Variants in ABHD12B observed in about 807,000 individuals in gnomAD.
ABHD12B encodes protein ABHD12B.
ABHD12B carries 42 observed loss-of-function variants against 50.4 expected under a neutral mutation model. The ratio of observed to expected loss-of-function variants is 0.83; its 90% CI spans 0.65 to 1.08. The LOEUF (loss-of-function observed/expected upper bound fraction) is 1.08, where lower values mean the gene tolerates loss of function less well. ABHD12B is among the 50% of genes least tolerant of loss of function. The probability of loss-of-function intolerance (pLI) is 0.00; values close to 1 mark genes in which losing one functional copy is unlikely to be tolerated. For synonymous variants in ABHD12B, 167 were observed against 160.3 expected, an observed-to-expected ratio of 1.04 and a Z score of -0.32; for missense variants, 479 against 447.7, an observed-to-expected ratio of 1.07 and a Z score of -0.63.
At position 50,904,814 on chromosome 14, in the gene ABHD12B, GCTCTT is replaced by G. The variant is rs1470355213; in HGVS notation, c.*450_*454del. On this transcript the variant is annotated 3_prime_UTR_variant, in exon 13 of 13. Coordinates refer to ENST00000337334, the MANE Select transcript of ABHD12B (RefSeq NM_001206673.2). Reference sequence around the variant, plus strand: ...GCCCTTATAAATTATGACCAAAAGAGCTCTTCACTCCTCCTACCATTTGAGGATAC... The same window carrying G: ...GCCCTTATAAATTATGACCAAAAGAGCACTCCTCCTACCATTTGAGGATAC... The G allele has an allele frequency of 2.2e-4, 52 of 232,794 alleles. No homozygotes were observed. Among genetic ancestry groups the G allele is most frequent in the South Asian group, 1.5e-3 (23 of 15,482 alleles). The allele number at this position is 232,794 out of a possible 1,614,324, so 14.4% of individuals were successfully genotyped here.
rs2050263044 is a variant in ABHD12B, at chr14:50,901,833, A to C, written c.785A>C (p.Tyr262Ser). ...TTTTTTCTTTTTTAAAAATAGATTT[A>C]CCGGAACATTCCAGGATTTTTACGT... ...ASINYPLLKI[Y>S]RNIPGFLRTL... The change falls in exon 10 of 13, where the codon TAC becomes TCC. Residue 262 changes from tyrosine to serine, a missense_variant. By Grantham distance (144) the Tyr-to-Ser change is moderately radical (BLOSUM62 -2). Transcript: ENST00000337334. 1 of 1,589,700 alleles carries C rather than the reference A, an allele frequency of 6.3e-7. No homozygotes were observed. The highest frequency in any genetic ancestry group is 1.4e-5 in the African/African-American group (1 of 73,552).
At chr14:50,881,778 G>A (rs983284272) in intron 5 of ABHD12B, 152 bp downstream of exon 5, 5 of 849,174 alleles carry the variant, frequency 5.9e-6, no homozygotes, top group East Asian at 2.4e-5. Flanking sequence ...AAGTCCCACC[G>A]GTGGACTTCT....
chr14:50,904,687 T>C lies in ABHD12B; in HGVS notation c.*321T>C, dbSNP rs113016857. 2,562 of 415,726 alleles carry C rather than the reference T, an allele frequency of 6.2e-3. 60 individuals are homozygous for C. The highest frequency in any genetic ancestry group is 0.047 in the African/African-American group (2,335 of 50,108). The allele number at this position is 415,726 out of a possible 1,614,324, so 25.8% of individuals were successfully genotyped here. ...ATATTTGTGAATAAGGTAGTTGCTA[T>C]GGTCCGAATATCTGGGCCTGCCCCC... On this transcript the variant is annotated 3_prime_UTR_variant, in exon 13 of 13. Transcript: ENST00000337334.
At chr14:50,893,589 C>A in intron 9 of ABHD12B, 1 of 153,300 alleles carries the variant, frequency 6.5e-6, no homozygotes, top group Non-Finnish European at 1.5e-5. Flanking sequence ...GTTTGGTGGT[C>A]TCTTCACACG....
intron 3 of ABHD12B, among the ~76,000 whole-genome samples, chr14:50,879,392 A>G (rs529814558): frequency 6.6e-6 from 1 of 152,240 alleles, no homozygotes; most frequent in Non-Finnish European, 1.5e-5. Context: ...TTACAAGACT[A>G]TAGCTTCAGC....
In ABHD12B at chr14:50,904,314, G is replaced by A. The variant is rs79893513; in HGVS notation, c.1062-25G>A. ...TTATTTAGGTAGGGAAAGGGTGTGA[G>A]CTGATCTGGGTCCTTTTTCTACAGA... On this transcript the variant is annotated intron_variant, in intron 12 of 12. Transcript: ENST00000337334. 5.6e-4 allele frequency: 897 copies of A among 1,613,798 alleles called. 4 individuals carry two copies. The African/African-American group carries it at 0.01, about 18-fold the overall frequency.
rs2050028389 is a variant in ABHD12B, at chr14:50,885,852, G to A, written c.619G>A (p.Gly207Ser). The change falls in exon 7 of 13, where the codon GGC (glycine) becomes AGC (serine). Residue 207 changes from glycine (G) to serine (S), a missense_variant. Coordinates refer to ENST00000337334, the MANE Select transcript of ABHD12B (RefSeq NM_001206673.2). The part of the protein sequence containing the change: ...CVYEWTKARS[G>S]ITPVCLWGHS... Reference sequence around the variant, plus strand: ...CTATGAGTGGACCAAGGCAAGAAGTGGCATCACTCCCGTGTGTCTCTGGGG... The same window carrying A: ...CTATGAGTGGACCAAGGCAAGAAGTAGCATCACTCCCGTGTGTCTCTGGGG... 4 of 1,614,162 alleles carry A rather than the reference G, an allele frequency of 2.5e-6. No homozygotes were observed. Among genetic ancestry groups the A allele is most frequent in the Non-Finnish European group, 3.4e-6 (4 of 1,180,034 alleles).
At chr14:50,879,658 T>C (rs575847595) in intron 3 of ABHD12B, among the ~76,000 whole-genome samples, 1 of 152,352 alleles carries the variant, frequency 6.6e-6, no homozygotes, top group African/African-American at 2.4e-5. Flanking sequence ...CTTCCTACTC[T>C]TCAGGGTACA....
At chr14:50,885,135 C>G (rs369619382) in intron 5 of ABHD12B, among the ~76,000 whole-genome samples, 1 of 152,128 alleles carries the variant, frequency 6.6e-6, no homozygotes, top group Non-Finnish European at 1.5e-5. Context: ...AGCGTGAGAC[C>G]CCGGGTGTCT....
rs373388301 is a variant in ABHD12B at position 50,892,573 on chromosome 14, T to C, written c.780+3670T>C. The C allele has an allele frequency of 4.4e-5, 43 of 985,428 alleles. No homozygotes were observed. The African/African-American group carries it at 7.0e-4, about 16-fold the overall frequency. The allele number at this position is 985,428 out of a possible 1,614,324, so 61.0% of individuals were successfully genotyped here. ...GCCAACACTCACAGCAGAAGTTAATTAATTTTGTCAGTCTTTTCAAAGAAC... is the reference window on the plus strand; with the variant it reads ...GCCAACACTCACAGCAGAAGTTAATCAATTTTGTCAGTCTTTTCAAAGAAC... On this transcript the variant is annotated intron_variant, in intron 9 of 12. Transcript: ENST00000337334.
chr14:50,887,408 G>T (rs2050057935), intron 8 of ABHD12B, among the ~76,000 whole-genome samples: 1 of 151,892 alleles, frequency 6.6e-6, no homozygotes, highest in South Asian at 2.1e-4. Context: ...TGAAGAATTA[G>T]AATCTCTGTG....
chr14:50,885,858 A>T lies in ABHD12B; in HGVS notation c.625A>T (p.Thr209Ser). 1 of 1,613,992 alleles carries T rather than the reference A, an allele frequency of 6.2e-7. No homozygotes were observed. Among genetic ancestry groups the T allele is most frequent in the Non-Finnish European group, 8.5e-7 (1 of 1,179,986 alleles). Residue 209 changes from threonine to serine, a missense_variant, in exon 7 of 13, where the codon ACT becomes TCT. Transcript: ENST00000337334. ...YEWTKARSGITPVCLWGHSLG... is the reference protein window; with the variant it reads ...YEWTKARSGISPVCLWGHSLG... ...GTGGACCAAGGCAAGAAGTGGCATC[A>T]CTCCCGTGTGTCTCTGGGGCCACTC...
At chr14:50,883,780 C>T (rs2049993663) in intron 5 of ABHD12B, among the ~76,000 whole-genome samples, 1 of 152,246 alleles carries the variant, frequency 6.6e-6, no homozygotes, top group African/African-American at 2.4e-5. Flanking sequence ...ACCAAACTTC[C>T]TTAGCCCTTC....
intron 9 of ABHD12B, among the ~76,000 whole-genome samples, chr14:50,897,356 G>A (rs1213087418): frequency 6.6e-6 from 1 of 152,186 alleles, no homozygotes; most frequent in Non-Finnish European, 1.5e-5. Context: ...TTACAGGCAT[G>A]AGCCACCATT....
At position 50,893,695 on chromosome 14, in the gene ABHD12B, C is replaced by A. The variant is rs1433267454; in HGVS notation, c.780+4792C>A. On this transcript the variant is annotated intron_variant, in intron 9 of 12. Coordinates refer to ENST00000337334, the MANE Select transcript of ABHD12B (RefSeq NM_001206673.2). ...CTGCTCTTTGCTCCATGAGAAAAATCCACCTATGACCTTAGGTCCTCAGAC... is the reference window on the plus strand; with the variant it reads ...CTGCTCTTTGCTCCATGAGAAAAATACACCTATGACCTTAGGTCCTCAGAC... 2.1e-5 allele frequency: 4 copies of A among 188,026 alleles called. No homozygotes were observed. In the East Asian group the frequency reaches 6.6e-4, roughly 31 times the overall value. The allele number at this position is 188,026 out of a possible 1,614,324, so 11.6% of individuals were successfully genotyped here. A position where few individuals can be genotyped will look rare whatever the true frequency, so the allele number is the denominator to read the frequency against.
At chr14:50,878,562 G>C (rs1299094758) in intron 2 of ABHD12B, among the ~76,000 whole-genome samples, 183 bp from the exon 3 acceptor site, 4 of 152,070 alleles carry the variant, frequency 2.6e-5, no homozygotes, top group Admixed American at 2.6e-4. Flanking sequence ...TTAGGTTTTT[G>C]TTTTTTGCCC....
At chr14:50,899,889 T>C (rs2050243619) in intron 9 of ABHD12B, among the ~76,000 whole-genome samples, 1 of 146,238 alleles carries the variant, frequency 6.8e-6, no homozygotes, top group Non-Finnish European at 1.5e-5. Flanking sequence ...ACCACTGCAC[T>C]CCAGCCTAGG....
rs769164034 is a variant in ABHD12B at position 50,885,864 on chromosome 14, G to C, written c.631G>C (p.Val211Leu). ...WTKARSGITP[V>L]CLWGHSLGTG... ...CAAGGCAAGAAGTGGCATCACTCCC[G>C]TGTGTCTCTGGGGCCACTCTCTGGG... Residue 211 changes from valine to leucine, a missense_variant, in exon 7 of 13, where the codon GTG (valine) becomes CTG (leucine). Coordinates refer to ENST00000337334, the MANE Select transcript of ABHD12B (RefSeq NM_001206673.2). 3 of 1,614,028 alleles carry C rather than the reference G, an allele frequency of 1.9e-6. No individual in the cohort carries two copies. Among genetic ancestry groups the C allele is most frequent in the African/African-American group, 2.7e-5 (2 of 74,926 alleles).
chr14:50,885,959 C>G, intron 7 of ABHD12B, 64 bp downstream of exon 7: 1 of 1,602,348 alleles, frequency 6.2e-7, no homozygotes. Flanking sequence ...CTATCAAAGG[C>G]AGCAGCCAGT....
Sources: allele counts gnomAD v4.1 joint callset (sites outside exome capture counted in the v4.1 genomes callset), GRCh38; gene constraint gnomAD v4.1.1; transcripts MANE v1.5; gene names NCBI Gene and HGNC (gene_info 2026-07-23, HGNC 2026-07-21).